PCCA: variants seen among roughly 807,000 people sequenced by gnomAD.
PCCA encodes propionyl-CoA carboxylase subunit alpha.
Under a neutral mutation model 101.3 loss-of-function variants are expected in PCCA, and 74 were observed. The ratio of observed to expected loss-of-function variants is 0.73; its 90% CI spans 0.61 to 0.89. PCCA has a LOEUF of 0.89. PCCA is among the 40% of genes least tolerant of loss of function. PCCA has a pLI of 0.00. For missense variants in PCCA, 891 were observed against 907.0 expected, an observed-to-expected ratio of 0.98 and a Z score of 0.23; for synonymous variants, 294 against 313.6, an observed-to-expected ratio of 0.94 and a Z score of 0.66.
At chr13:100,452,685 A>C (rs2081419614) in intron 21 of PCCA, among the ~76,000 whole-genome samples, 1 of 152,034 alleles carries the variant, frequency 6.6e-6, no homozygotes, top group Admixed American at 6.6e-5. Context: ...ACTGCTTGAC[A>C]TACTGCAATT....
chr13:100,368,176 G>A (rs1325621680), intron 18 of PCCA, among the ~76,000 whole-genome samples: 4 of 151,910 alleles, frequency 2.6e-5, no homozygotes, highest in Non-Finnish European at 4.4e-5. Flanking sequence ...TGAAGTTTAA[G>A]GCATGGCATA....
chr13:100,263,182 T>A (rs1246680082), intron 10 of PCCA, among the ~76,000 whole-genome samples: 1 of 152,212 alleles, frequency 6.6e-6, no homozygotes, highest in Non-Finnish European at 1.5e-5. Context: ...GCTTGTTGTA[T>A]AGAGATCTGT....
chr13:100,336,879 A>G (rs550584056), intron 17 of PCCA, among the ~76,000 whole-genome samples: 4 of 152,306 alleles, frequency 2.6e-5, no homozygotes, highest in East Asian at 1.9e-4. Flanking sequence ...TGTAACAAGT[A>G]CAAGTGACTT....
At chr13:100,501,947 G>T (rs1330405700) in intron 21 of PCCA, among the ~76,000 whole-genome samples, 1 of 151,874 alleles carries the variant, frequency 6.6e-6, no homozygotes, top group Non-Finnish European at 1.5e-5. Flanking sequence ...GGGGCCTAGC[G>T]GTCTGTGGTT....
chr13:100,444,638 T>A (rs1046660081), intron 20 of PCCA, among the ~76,000 whole-genome samples: 1 of 152,006 alleles, frequency 6.6e-6, no homozygotes, highest in South Asian at 2.1e-4. Context: ...AGATGGAGTT[T>A]CACCATGTTA....
intron 6 of PCCA, among the ~76,000 whole-genome samples, chr13:100,202,679 T>C (rs1392866450): frequency 6.6e-6 from 1 of 151,508 alleles, no homozygotes; most frequent in Non-Finnish European, 1.5e-5. Flanking sequence ...GGATTCCTAT[T>C]ATTCATATGT....
At chr13:100,281,483 C>T (rs1303107089) in intron 12 of PCCA, among the ~76,000 whole-genome samples, 3 of 152,204 alleles carry the variant, frequency 2.0e-5, no homozygotes, top group Non-Finnish European at 4.4e-5. Flanking sequence ...GACCTAGGAA[C>T]ATGTCCCCCA....
At chr13:100,129,439 C>T (rs964866515) in intron 4 of PCCA, among the ~76,000 whole-genome samples, 1 of 152,120 alleles carries the variant, frequency 6.6e-6, no homozygotes, top group Admixed American at 6.5e-5. Context: ...ATGTTTATTG[C>T]TCTTCATGCT....
At chr13:100,447,183 G>T in intron 20 of PCCA, among the ~76,000 whole-genome samples, 1 of 152,016 alleles carries the variant, frequency 6.6e-6, no homozygotes, top group South Asian at 2.1e-4. Context: ...AGGAGTTCGA[G>T]ACCAGCCTGG....
intron 16 of PCCA, among the ~76,000 whole-genome samples, chr13:100,310,259 T>G (rs1290166621): frequency 6.6e-6 from 1 of 152,258 alleles, no homozygotes; most frequent in East Asian, 1.9e-4. Flanking sequence ...TATGTGAGTT[T>G]ATCTATGTTT....
At chr13:100,103,808 G>C (rs928806036) in intron 2 of PCCA, among the ~76,000 whole-genome samples, 2 of 148,424 alleles carry the variant, frequency 1.3e-5, no homozygotes, top group East Asian at 2.0e-4. Flanking sequence ...TCTAATTTTT[G>C]TGTTTGTAGT....
chr13:100,515,685 C>G (rs36103425), intron 22 of PCCA, 118 bp downstream of exon 22: 25 of 1,201,766 alleles, frequency 2.1e-5, no homozygotes, highest in South Asian at 3.7e-5. Flanking sequence ...ACCGACGCCC[C>G]CTAAACAGCA....
chr13:100,144,266 G>A lies in PCCA; in HGVS notation c.301-10713G>A, dbSNP rs556548318. On this transcript the variant is annotated intron_variant, in intron 4 of 23. Transcript: ENST00000376285. Reference sequence around the variant, plus strand: ...ATAGTTTTTGGTAAGAAACTAAACAGCCATATACCGTAAATCAAGAGCTGT... The same window carrying A: ...ATAGTTTTTGGTAAGAAACTAAACAACCATATACCGTAAATCAAGAGCTGT... 6.7e-4 allele frequency among the ~76,000 whole-genome samples: 102 copies of A among 152,262 alleles called. 1 individual carries two copies. Among genetic ancestry groups the A allele is most frequent in the African/African-American group, 2.3e-3 (94 of 41,546 alleles).
chr13:100,456,955 C>T (rs1223922397), intron 21 of PCCA, among the ~76,000 whole-genome samples: 1 of 152,186 alleles, frequency 6.6e-6, no homozygotes, highest in East Asian at 1.9e-4. Context: ...GACTCCGTTT[C>T]GCGGTCTGCT....
chr13:100,346,178 C>T (rs183600381), intron 18 of PCCA, among the ~76,000 whole-genome samples: 8 of 152,166 alleles, frequency 5.3e-5, no homozygotes, highest in East Asian at 1.9e-4. Flanking sequence ...TTTCACAAGG[C>T]GATAGCTGCC....
intron 7 of PCCA, among the ~76,000 whole-genome samples, chr13:100,223,395 C>T (rs1026645251): frequency 1.1e-4 from 16 of 151,998 alleles, no homozygotes; most frequent in African/African-American, 2.4e-4. Context: ...CTTGCTGGCT[C>T]AGGAGTGAAG....
intron 20 of PCCA, among the ~76,000 whole-genome samples, chr13:100,438,829 C>T (rs948935853): frequency 2.6e-5 from 4 of 152,036 alleles, no homozygotes; most frequent in Non-Finnish European, 5.9e-5. Flanking sequence ...ATTTATGGCC[C>T]TTTCACAGAA....
intron 1 of PCCA, among the ~76,000 whole-genome samples, chr13:100,101,792 G>A (rs2047307723): frequency 6.6e-6 from 1 of 151,874 alleles, no homozygotes; most frequent in South Asian, 2.1e-4. Context: ...TAGTAGAGAC[G>A]GGATTTCGCC....
chr13:100,493,465 C>T (rs542487127), intron 21 of PCCA, among the ~76,000 whole-genome samples: 1 of 152,266 alleles, frequency 6.6e-6, no homozygotes, highest in East Asian at 1.9e-4. Flanking sequence ...TTTCAGAGTA[C>T]GTCCGAGCTC....
Sources: allele counts gnomAD v4.1 joint callset (sites outside exome capture counted in the v4.1 genomes callset), GRCh38; gene constraint gnomAD v4.1.1; transcripts MANE v1.5; gene names NCBI Gene and HGNC (gene_info 2026-07-23, HGNC 2026-07-21).